GRIK1: variants seen among roughly 807,000 people sequenced by gnomAD.
GRIK1 encodes glutamate receptor ionotropic, kainate 1.
GRIK1 carries 69 observed loss-of-function variants against 105.7 expected under a neutral mutation model. The ratio of observed to expected loss-of-function variants is 0.65; its 90% confidence interval spans 0.54 to 0.80. The LOEUF (loss-of-function observed/expected upper bound fraction) is 0.80. GRIK1 is among the 30% of genes least tolerant of loss of function. GRIK1 has a pLI of 0.00. For missense variants in GRIK1, 1,109 were observed against 1,167.3 expected (o/e 0.95, Z 0.73); for synonymous variants, 438 against 431.3 (o/e 1.02, Z -0.19).
chr21:29,678,404 G>A (rs1329170149), intron 3 of GRIK1, among the ~76,000 whole-genome samples: 21 of 152,106 alleles, frequency 1.4e-4, no homozygotes, highest in Admixed American at 1.4e-3. Flanking sequence ...TGTGTACCTT[G>A]GTTACAAAGG....
chr21:29,921,282 G>A (rs1257795912), intron 1 of GRIK1, among the ~76,000 whole-genome samples: 1 of 152,066 alleles, frequency 6.6e-6, no homozygotes, highest in Non-Finnish European at 1.5e-5. Context: ...CAATATATAA[G>A]TGTAATGGAA....
At chr21:29,583,891 G>C (rs1282963023) in intron 12 of GRIK1, among the ~76,000 whole-genome samples, 1 of 152,084 alleles carries the variant, frequency 6.6e-6, no homozygotes, top group Non-Finnish European at 1.5e-5. Context: ...GTCAGTATTA[G>C]GAAGTCTGGT....
rs558774963 is a variant in GRIK1, at chr21:29,741,753, A to G, written c.119-47690T>C. On this transcript the variant is annotated intron_variant, in intron 1 of 17. Transcript: ENST00000327783. ...TAAACTGCCATATTTTAAGTTATCC[A>G]ACAGTTATGTTTATAGTGTAAAATC... is the stretch of plus-strand genomic sequence containing the variant. Among the ~76,000 whole-genome samples the G allele has an allele frequency of 2.0e-5, 3 of 152,324 alleles. No individual in the cohort carries two copies. The South Asian group carries it at 6.2e-4, about 32-fold the overall frequency.
intron 3 of GRIK1, among the ~76,000 whole-genome samples, chr21:29,688,620 CAT>C (rs1449469075): frequency 1.3e-5 from 2 of 152,104 alleles, no homozygotes; most frequent in Non-Finnish European, 2.9e-5. Context: ...AGATTATAAA[CAT>C]AAATAAGATA....
intron 1 of GRIK1, among the ~76,000 whole-genome samples, chr21:29,866,068 C>CT (rs796606707): frequency 1.8e-4 from 27 of 148,356 alleles, no homozygotes; most frequent in African/African-American, 1.5e-4. Flanking sequence ...AGAGTTTTTA[C>CT]TTTTTTTTTT....
chr21:29,919,694 C>T (rs1267090941), intron 1 of GRIK1, among the ~76,000 whole-genome samples: 2 of 152,028 alleles, frequency 1.3e-5, no homozygotes, highest in East Asian at 3.9e-4. Context: ...ATAGAAACAG[C>T]CATTTGATTC....
chr21:29,854,593 A>T (rs1019281953), intron 1 of GRIK1, among the ~76,000 whole-genome samples: 6 of 152,240 alleles, frequency 3.9e-5, no homozygotes, highest in Non-Finnish European at 2.9e-5. Flanking sequence ...ATGGAGGCAC[A>T]CATGAAGATC....
At chr21:29,762,856 T>C (rs1017818852) in intron 1 of GRIK1, among the ~76,000 whole-genome samples, 2 of 152,212 alleles carry the variant, frequency 1.3e-5, no homozygotes, top group African/African-American at 4.8e-5. Context: ...TTCAATGTAG[T>C]ACTTGAAATG....
intron 12 of GRIK1, among the ~76,000 whole-genome samples, chr21:29,585,591 C>T (rs182107523): frequency 1.1e-4 from 17 of 152,168 alleles, no homozygotes; most frequent in Non-Finnish European, 2.2e-4. Context: ...TTTTGCCCTG[C>T]GAAATATGGA....
intron 12 of GRIK1, among the ~76,000 whole-genome samples, chr21:29,585,507 C>G (rs1343503891): frequency 2.0e-5 from 3 of 152,120 alleles, no homozygotes; most frequent in African/African-American, 7.2e-5. Context: ...TGCTCATCAA[C>G]CTCACCTTGC....
At chr21:29,755,525 G>C (rs1055365763) in intron 1 of GRIK1, among the ~76,000 whole-genome samples, 4 of 152,222 alleles carry the variant, frequency 2.6e-5, no homozygotes, top group African/African-American at 7.2e-5. Context: ...GGTTTAAATT[G>C]CTTGTCCTGG....
rs184810528 is a variant in GRIK1, at chr21:29,606,317, C to T, written c.1099-7380G>A. On this transcript the variant is annotated intron_variant, in intron 7 of 17. Coordinates refer to ENST00000327783, the MANE Select transcript of GRIK1 (RefSeq NM_001330994.2). ...TTTATTTTAAGTTCTGGGGTGCATG[C>T]GCAGGATATGCCGGTTTTTTACACA... Among the ~76,000 whole-genome samples the T allele has an allele frequency of 3.3e-4, 50 of 152,056 alleles. No homozygotes were observed. The East Asian group carries it at 5.8e-3, about 18-fold the overall frequency.
intron 1 of GRIK1, among the ~76,000 whole-genome samples, chr21:29,718,126 T>C (rs916603727): frequency 5.9e-5 from 9 of 152,196 alleles, no homozygotes; most frequent in African/African-American, 9.6e-5. Flanking sequence ...TCCTGAGCCA[T>C]GCTAAACTAT....
chr21:29,881,570 C>A (rs1386772929), intron 1 of GRIK1, among the ~76,000 whole-genome samples: 1 of 152,042 alleles, frequency 6.6e-6, no homozygotes, highest in Non-Finnish European at 1.5e-5. Flanking sequence ...TATGGCTTAT[C>A]CCTTACTGGG....
At chr21:29,572,392 C>T (rs2090771762) in intron 14 of GRIK1, among the ~76,000 whole-genome samples, 2 of 152,116 alleles carry the variant, frequency 1.3e-5, no homozygotes, top group Admixed American at 1.3e-4. Context: ...GTGTGGGTCC[C>T]TATGTATCCA....
intron 1 of GRIK1, among the ~76,000 whole-genome samples, chr21:29,783,186 CCTT>C (rs906285106): frequency 6.6e-6 from 1 of 151,974 alleles, no homozygotes; most frequent in African/African-American, 2.4e-5. Flanking sequence ...TATTTATTGA[CCTT>C]CTTCCTGTAA....
intron 1 of GRIK1, among the ~76,000 whole-genome samples, chr21:29,830,017 T>A (rs548546113): frequency 1.2e-4 from 19 of 152,152 alleles, no homozygotes; most frequent in African/African-American, 4.6e-4. Context: ...TAGAAACACC[T>A]ACTTTCACAC....
intron 1 of GRIK1, among the ~76,000 whole-genome samples, chr21:29,808,719 C>T: frequency 6.6e-6 from 1 of 152,174 alleles, no homozygotes; most frequent in East Asian, 1.9e-4. Flanking sequence ...ATGCATAATT[C>T]CTTTTGAAAA....
intron 14 of GRIK1, among the ~76,000 whole-genome samples, chr21:29,571,314 G>A (rs936472008): frequency 4.0e-5 from 6 of 151,232 alleles, no homozygotes; most frequent in Admixed American, 1.3e-4. Context: ...CCAAGATCAC[G>A]CCATTGTACT....
Sources: allele counts gnomAD v4.1 joint callset (sites outside exome capture counted in the v4.1 genomes callset), GRCh38; gene constraint gnomAD v4.1.1; transcripts MANE v1.5; gene names NCBI Gene and HGNC (gene_info 2026-07-23, HGNC 2026-07-21).